The following RCAN1 variants were observed in gnomAD, a reference collection of about 807,000 sequenced individuals.
The protein encoded by RCAN1 is regulator of calcineurin 1.
RCAN1 carries 11 observed loss-of-function variants against 22.9 expected under a neutral mutation model. The ratio of observed to expected loss-of-function variants is 0.48; its 90% CI spans 0.30 to 0.79. The LOEUF is 0.79. RCAN1 is among the 30% of genes least tolerant of loss of function. RCAN1 has a pLI of 0.06. For missense variants in RCAN1, 291 were observed against 337.8 expected, an observed-to-expected ratio of 0.86 and a Z score of 1.09; for synonymous variants, 136 against 142.3, an observed-to-expected ratio of 0.96 and a Z score of 0.32.
At chr21:34,530,616 GTTTTTTTTTTTTT>G (rs59150851) in intron 1 of RCAN1, among the ~76,000 whole-genome samples, 1 of 66,196 alleles carries the variant, frequency 1.5e-5, no homozygotes, top group Non-Finnish European at 2.9e-5. Context: ...TAGTGAAATA[GTTTTTTTTTTTTT>G]TTTTTTTTTT....
intron 1 of RCAN1, among the ~76,000 whole-genome samples, chr21:34,605,806 G>A (rs1175261297): frequency 6.6e-6 from 1 of 151,714 alleles, no homozygotes; most frequent in African/African-American, 2.4e-5. Flanking sequence ...TGTAATCCCA[G>A]CTATTCAGGA....
intron 1 of RCAN1, among the ~76,000 whole-genome samples, chr21:34,526,111 A>G (rs1359847958): frequency 6.6e-6 from 1 of 152,216 alleles, no homozygotes; most frequent in East Asian, 1.9e-4. Context: ...TAAAATGATT[A>G]TATTAATCAC....
At chr21:34,546,221 G>C (rs545090539) in intron 1 of RCAN1, among the ~76,000 whole-genome samples, 1 of 152,108 alleles carries the variant, frequency 6.6e-6, no homozygotes, top group African/African-American at 2.4e-5. Flanking sequence ...TTATATTTTT[G>C]TGTTAAAAAA....
At chr21:34,599,484 T>C (rs1450051984) in intron 1 of RCAN1, among the ~76,000 whole-genome samples, 1 of 152,042 alleles carries the variant, frequency 6.6e-6, no homozygotes, top group East Asian at 1.9e-4. Context: ...AAAAAAGAAA[T>C]ACATTGAGTC....
intron 1 of RCAN1, among the ~76,000 whole-genome samples, chr21:34,553,680 C>A (rs10432783): frequency 0.038 from 5,730 of 152,262 alleles, 168 homozygotes; most frequent in East Asian, 0.14. Context: ...CTAAGATGAA[C>A]CACTGTTTCT....
intron 1 of RCAN1, chr21:34,525,245 C>A (rs879121736): frequency 1.3e-6 from 2 of 1,550,600 alleles, no homozygotes; most frequent in South Asian, 1.2e-5. Flanking sequence ...GCAGGGTAGT[C>A]GGTCCCTGCC....
chr21:34,591,944 G>A (rs1218892210), intron 1 of RCAN1, among the ~76,000 whole-genome samples: 1 of 152,164 alleles, frequency 6.6e-6, no homozygotes, highest in Non-Finnish European at 1.5e-5. Context: ...ATCCACCACT[G>A]CAGATCACAT....
In RCAN1 at chr21:34,609,243, G is replaced by A. The variant is rs77064761; in HGVS notation, c.252+5517C>T. 4.9e-3 allele frequency among the ~76,000 whole-genome samples: 745 copies of A among 152,234 alleles called. 25 individuals carry two copies. The East Asian group carries it at 0.08, about 16-fold the overall frequency. ...GCTCAGAGATCATGGCAGAGTGATC[G>A]GCTGTGTCTCATCAGCATTCTTATG... On this transcript the variant is annotated intron_variant, in intron 1 of 3. Coordinates refer to ENST00000313806, the MANE Select transcript of RCAN1 (RefSeq NM_004414.7).
intron 1 of RCAN1, among the ~76,000 whole-genome samples, chr21:34,557,941 G>A (rs1284581408): frequency 6.6e-6 from 1 of 152,154 alleles, no homozygotes; most frequent in Non-Finnish European, 1.5e-5. Flanking sequence ...TACATGTTGT[G>A]CTTAATTCTC....
intron 1 of RCAN1, among the ~76,000 whole-genome samples, chr21:34,553,099 G>T (rs938118631): frequency 1.3e-5 from 2 of 152,162 alleles, no homozygotes; most frequent in Admixed American, 6.5e-5. Flanking sequence ...AGGGGTATGA[G>T]AAAAAGTATT....
At chr21:34,537,327 T>C (rs79818725) in intron 1 of RCAN1, among the ~76,000 whole-genome samples, 20,741 of 152,262 alleles carry the variant, frequency 0.14, 1,521 homozygotes, top group African/African-American at 0.18. Context: ...TCCCTTTCCA[T>C]CAGGCCTAGA....
chr21:34,566,986 G>C (rs1984303), intron 1 of RCAN1, among the ~76,000 whole-genome samples: 106,767 of 152,046 alleles, frequency 0.7, 37,673 homozygotes, highest in East Asian at 0.83. Context: ...AGGCCTCCCT[G>C]CAACACTGGG....
At position 34,613,086 on chromosome 21, in the gene RCAN1, A is replaced by T. The variant is rs111977435; in HGVS notation, c.252+1674T>A. Among the ~76,000 whole-genome samples, 432 of 152,356 alleles carry T rather than the reference A, an allele frequency of 2.8e-3. 2 individuals carry two copies. Among genetic ancestry groups the T allele is most frequent in the African/African-American group, 9.8e-3 (408 of 41,586 alleles). ...CTGCTTTATCCTCTGGGCCTAAACC[A>T]GTGGCTGGAACACAGTAAGCACTCA... On this transcript the variant is annotated intron_variant, in intron 1 of 3. Coordinates refer to ENST00000313806, the MANE Select transcript of RCAN1 (RefSeq NM_004414.7).
chr21:34,594,200 A>G (rs1988070275), intron 1 of RCAN1, among the ~76,000 whole-genome samples: 1 of 152,210 alleles, frequency 6.6e-6, no homozygotes, highest in Non-Finnish European at 1.5e-5. Flanking sequence ...AAACAAGCAC[A>G]TGGAAATATG....
intron 1 of RCAN1, among the ~76,000 whole-genome samples, chr21:34,545,981 A>T (rs988125310): frequency 6.6e-6 from 1 of 152,242 alleles, no homozygotes; most frequent in African/African-American, 2.4e-5. Flanking sequence ...AACAGGTCCT[A>T]AGAAGATCCT....
At chr21:34,552,034 T>C (rs4817678) in intron 1 of RCAN1, among the ~76,000 whole-genome samples, 36,702 of 152,080 alleles carry the variant, frequency 0.24, 5,169 homozygotes, top group African/African-American at 0.39. Context: ...ACGTGATGTC[T>C]CTATCAGGGT....
chr21:34,579,232 C>G (rs888991151), intron 1 of RCAN1, among the ~76,000 whole-genome samples: 1 of 151,960 alleles, frequency 6.6e-6, no homozygotes, highest in Non-Finnish European at 1.5e-5. Flanking sequence ...TAGTTTCTAC[C>G]AAAAATACAA....
At chr21:34,531,760 A>C (rs1985400225) in intron 1 of RCAN1, among the ~76,000 whole-genome samples, 1 of 151,998 alleles carries the variant, frequency 6.6e-6, no homozygotes, top group Admixed American at 6.6e-5. Context: ...TATATGCCTC[A>C]AAACACACTC....
Position 34,550,987 on chromosome 21 carries a change from T to C in RCAN1, c.253-27277A>G, listed in dbSNP as rs551303546. Among the ~76,000 whole-genome samples, 21 of 152,350 alleles carry C rather than the reference T, an allele frequency of 1.4e-4. No individual in the cohort carries two copies. The East Asian group carries it at 3.9e-3, about 28-fold the overall frequency. ...AAGCTGTAAGTAACTCATTCACATATGCACAACTCAATGCACATAACTCAA... is the reference window on the plus strand; with the variant it reads ...AAGCTGTAAGTAACTCATTCACATACGCACAACTCAATGCACATAACTCAA... On this transcript the variant is annotated intron_variant, in intron 1 of 3. Coordinates refer to ENST00000313806, the MANE Select transcript of RCAN1 (RefSeq NM_004414.7).
Sources: gnomAD v4.1 joint callset for allele counts (sites outside exome capture counted in the v4.1 genomes callset) on GRCh38, gnomAD v4.1.1 for gene constraint, MANE v1.5 for transcripts, NCBI Gene and HGNC (gene_info 2026-07-23, HGNC 2026-07-21) for gene names.